The following LIN52 variants were observed in gnomAD, a reference collection of about 807,000 sequenced individuals.
LIN52 encodes lin-52 DREAM MuvB core complex component, also known as protein lin-52 homolog.
In LIN52, 4 loss-of-function variants were observed where a neutral mutation model predicts 18.5. The ratio of observed to expected loss-of-function variants is 0.22; its 90% CI spans 0.11 to 0.49. LIN52 has a LOEUF of 0.49. LIN52 is among the 20% of genes least tolerant of loss of function. The pLI is 0.97. For missense variants in LIN52, 102 were observed against 139.5 expected (o/e 0.73, Z 1.35); for synonymous variants, 34 against 45.5 (o/e 0.75, Z 1.02).
At chr14:74,166,395 A>G (rs1328560339) in intron 5 of LIN52, among the ~76,000 whole-genome samples, 1 of 150,662 alleles carries the variant, frequency 6.6e-6, no homozygotes, top group East Asian at 2.0e-4. Context: ...TTGCATTTTT[A>G]GTAGAGATGG....
chr14:74,168,917 C>T (rs1421252794), intron 5 of LIN52, among the ~76,000 whole-genome samples: 3 of 151,500 alleles, frequency 2.0e-5, no homozygotes, highest in South Asian at 2.1e-4. Flanking sequence ...CAAAAATTAG[C>T]GGGGCATGGT....
chr14:74,111,399 C>T (rs2060926276), intron 5 of LIN52, among the ~76,000 whole-genome samples: 1 of 151,806 alleles, frequency 6.6e-6, no homozygotes, highest in Non-Finnish European at 1.5e-5. Context: ...AGCAATCCTC[C>T]CAGCCCAGCC....
Position 74,091,248 on chromosome 14 carries a change from A to T in LIN52, c.36A>T (p.Ala12=). ...ASPTDGTDLE[A]SLLSFEKLDR... ...TTGTTCTAGGGACAGATCTGGAAGCATCTTTGCTAAGTTTTGAAAAACTTG... is the reference window on the plus strand; with the variant it reads ...TTGTTCTAGGGACAGATCTGGAAGCTTCTTTGCTAAGTTTTGAAAAACTTG... The change falls in exon 2 of 6, where the codon GCA becomes GCT. Residue 12 remains alanine (A), a synonymous_variant. Coordinates refer to ENST00000555028, the MANE Select transcript of LIN52 (RefSeq NM_001024674.3). 1 of 1,611,380 alleles carries T rather than the reference A, an allele frequency of 6.2e-7. No individual in the cohort carries two copies. Among genetic ancestry groups the T allele is most frequent in the Non-Finnish European group, 8.5e-7 (1 of 1,177,752 alleles).
At chr14:74,120,921 A>T (rs1302608840) in intron 5 of LIN52, among the ~76,000 whole-genome samples, 1 of 151,948 alleles carries the variant, frequency 6.6e-6, no homozygotes, top group African/African-American at 2.4e-5. Flanking sequence ...AAGAAAAAAA[A>T]AAGTTTCAAG....
rs1372575189 is a variant in LIN52 at position 74,103,750 on chromosome 14, T to G, written c.283+2512T>G. Among the ~76,000 whole-genome samples the G allele has an allele frequency of 4.3e-5, 6 of 139,718 alleles. No individual in the cohort carries two copies. The South Asian group carries it at 7.1e-4, about 16-fold the overall frequency. The allele number at this position is 139,718 out of a possible 152,430, so 91.7% of individuals were successfully genotyped here. ...CCTGGCCAGTTTTTTTTTTTTTTTT[T>G]TTTTTTTTTTTTTTTTTTTAAGAGA... is the stretch of plus-strand genomic sequence containing the variant. On this transcript the variant is annotated intron_variant, in intron 5 of 5. Transcript: ENST00000555028.
intron 2 of LIN52, among the ~76,000 whole-genome samples, chr14:74,092,508 G>T (rs1439903775): frequency 1.3e-5 from 2 of 150,696 alleles, no homozygotes; most frequent in Non-Finnish European, 3.0e-5. Flanking sequence ...GTTTTGCCAT[G>T]TTGGCCAGGC....
intron 5 of LIN52, among the ~76,000 whole-genome samples, chr14:74,135,125 C>G (rs1004490186): frequency 1.3e-5 from 2 of 152,060 alleles, no homozygotes; most frequent in Non-Finnish European, 2.9e-5. Context: ...AGTGCAGTGG[C>G]GTGATCTCTG....
intron 5 of LIN52, among the ~76,000 whole-genome samples, chr14:74,161,078 G>C (rs1240870613): frequency 6.6e-6 from 1 of 152,142 alleles, no homozygotes; most frequent in Non-Finnish European, 1.5e-5. Context: ...TTAACATTAG[G>C]ATTTGGGGAT....
chr14:74,174,223 G>C (rs2139577729), intron 5 of LIN52, among the ~76,000 whole-genome samples: 1 of 152,250 alleles, frequency 6.6e-6, no homozygotes, highest in African/African-American at 2.4e-5. Context: ...CTGGGGATAT[G>C]TTCTCAGAAA....
chr14:74,132,458 TG>T (rs2139940691), intron 5 of LIN52, among the ~76,000 whole-genome samples: 1 of 152,330 alleles, frequency 6.6e-6, no homozygotes, highest in African/African-American at 2.4e-5. Flanking sequence ...TTATGCTTAT[TG>T]GGTGAATAGA....
At chr14:74,185,336 A>G (rs1163665300) in intron 5 of LIN52, among the ~76,000 whole-genome samples, 1 of 47,624 alleles carries the variant, frequency 2.1e-5, no homozygotes, top group African/African-American at 7.6e-5. Context: ...TTTTTTTGAG[A>G]TGGAGTCTTG....
chr14:74,157,459 A>ATATTT (rs371363719), intron 5 of LIN52, among the ~76,000 whole-genome samples: 4 of 139,998 alleles, frequency 2.9e-5, no homozygotes, highest in African/African-American at 7.8e-5. Flanking sequence ...ATATATATAT[A>ATATTT]TTTTTTAATT....
rs187192393 is a variant in LIN52, at chr14:74,102,484, G to A, written c.283+1246G>A. ...GTACCTAACTCTTCTCTATATACTGGTAATTTATTTCTTATGATTAAAGTT... is the reference window on the plus strand; with the variant it reads ...GTACCTAACTCTTCTCTATATACTGATAATTTATTTCTTATGATTAAAGTT... On this transcript the variant is annotated intron_variant, in intron 5 of 5. Transcript: ENST00000555028. 2.6e-3 allele frequency among the ~76,000 whole-genome samples: 400 copies of A among 152,196 alleles called. 3 individuals carry two copies. Among genetic ancestry groups the A allele is most frequent in the African/African-American group, 9.3e-3 (386 of 41,520 alleles).
Position 74,199,635 on chromosome 14 carries a change from C to G in LIN52, c.*658C>G, listed in dbSNP as rs1001244625. 2 of 152,246 alleles carry G rather than the reference C, an allele frequency of 1.3e-5. No individual in the cohort carries two copies. Among genetic ancestry groups the G allele is most frequent in the African/African-American group, 4.8e-5 (2 of 41,448 alleles). 9.4% of individuals were successfully genotyped at this position (152,246 alleles called of 1,614,324 possible). On this transcript the variant is annotated 3_prime_UTR_variant, in exon 6 of 6. Coordinates refer to ENST00000555028, the MANE Select transcript of LIN52 (RefSeq NM_001024674.3). The stretch of plus-strand genomic sequence containing the variant: ...TAGTTCTGACTTCGGGCAGAGGGAT[C>G]CCTGAGTCCCTCCTGGAATTAGCTT...
At chr14:74,166,058 A>C (rs2061248487) in intron 5 of LIN52, among the ~76,000 whole-genome samples, 2 of 146,176 alleles carry the variant, frequency 1.4e-5, no homozygotes, top group South Asian at 2.2e-4. Flanking sequence ...TTCCCGGCTA[A>C]TTTTGTATTT....
chr14:74,172,615 T>C (rs77220278), intron 5 of LIN52, among the ~76,000 whole-genome samples: 2,870 of 152,304 alleles, frequency 0.019, 40 homozygotes, highest in Non-Finnish European at 0.029. Flanking sequence ...GAGCAGGTTA[T>C]GTGATGTGAT....
At chr14:74,120,045 A>G (rs867302966) in intron 5 of LIN52, among the ~76,000 whole-genome samples, 1 of 151,856 alleles carries the variant, frequency 6.6e-6, no homozygotes, top group African/African-American at 2.4e-5. Flanking sequence ...CATGTTGGCC[A>G]GGCTGGTCTC....
At chr14:74,109,171 G>A (rs1299623253) in intron 5 of LIN52, among the ~76,000 whole-genome samples, 1 of 152,104 alleles carries the variant, frequency 6.6e-6, no homozygotes. Context: ...CTATTGAATT[G>A]TCTTGACATC....
intron 5 of LIN52, among the ~76,000 whole-genome samples, chr14:74,108,847 T>C (rs1467040707): frequency 6.6e-6 from 1 of 152,176 alleles, no homozygotes; most frequent in Non-Finnish European, 1.5e-5. Flanking sequence ...TTTTCTCTCA[T>C]TCTATGGGTT....
Sources: gnomAD v4.1 joint callset for allele counts (sites outside exome capture counted in the v4.1 genomes callset) on GRCh38, gnomAD v4.1.1 for gene constraint, MANE v1.5 for transcripts, NCBI Gene and HGNC (gene_info 2026-07-23, HGNC 2026-07-21) for gene names.